RAP1A: variants seen among roughly 807,000 people sequenced by gnomAD.
RAP1A encodes the protein RAP1A, member of RAS oncogene family, also known as ras-related protein Rap-1A.
A neutral mutation model predicts 26.4 loss-of-function variants in RAP1A; 6 were observed. The ratio of observed to expected loss-of-function variants is 0.23; its 90% CI spans 0.12 to 0.45. The LOEUF is 0.45. Ranked by LOEUF, RAP1A falls within the 20% of genes least tolerant of loss-of-function variation. RAP1A has a pLI of 0.99. For synonymous variants in RAP1A, 73 were observed against 79.4 expected (o/e 0.92, Z 0.43); for missense variants, 121 against 217.2 (o/e 0.56, Z 2.78).
intron 1 of RAP1A, among the ~76,000 whole-genome samples, chr1:111,643,678 C>T (rs1233749882): frequency 6.6e-6 from 1 of 152,154 alleles, no homozygotes; most frequent in Non-Finnish European, 1.5e-5. Context: ...GAAACTGAGT[C>T]CTTTATTTCA....
At chr1:111,575,052 A>G (rs890132488) in intron 1 of RAP1A, among the ~76,000 whole-genome samples, 16 of 152,230 alleles carry the variant, frequency 1.1e-4, no homozygotes, top group African/African-American at 3.6e-4. Flanking sequence ...TCTAATAAAT[A>G]TTTGTGAAGT....
intron 6 of RAP1A, among the ~76,000 whole-genome samples, chr1:111,708,279 A>G (rs2101306999): frequency 6.6e-6 from 1 of 152,372 alleles, no homozygotes; most frequent in South Asian, 2.1e-4. Flanking sequence ...CATCAAAAAA[A>G]GGCAAACAAA....
chr1:111,595,681 G>C (rs1177935989), intron 1 of RAP1A, among the ~76,000 whole-genome samples: 1 of 152,206 alleles, frequency 6.6e-6, no homozygotes, highest in Non-Finnish European at 1.5e-5. Context: ...GCTGCAGTTA[G>C]GGCAGCAAAA....
chr1:111,708,457 A>G (rs1662269282), intron 6 of RAP1A, among the ~76,000 whole-genome samples: 1 of 152,232 alleles, frequency 6.6e-6, no homozygotes, highest in Non-Finnish European at 1.5e-5. Flanking sequence ...ATGTCCTGAA[A>G]GGCAAAGGCC....
chr1:111,566,536 C>T (rs75089454), intron 1 of RAP1A, among the ~76,000 whole-genome samples: 225 of 152,210 alleles, frequency 1.5e-3, no homozygotes, highest in African/African-American at 4.7e-3. Flanking sequence ...TCCCCCTGAC[C>T]GTAAACATTA....
At chr1:111,648,913 CT>C in intron 1 of RAP1A, 7 of 769,768 alleles carry the variant, frequency 9.1e-6, no homozygotes, top group Non-Finnish European at 1.6e-5. Flanking sequence ...GCTTGTAGGC[CT>C]TTTACTTCCC....
At position 111,713,373 on chromosome 1, in the gene RAP1A, G is replaced by C. The variant is rs2101324949; in HGVS notation, c.*972G>C. 6.6e-6 allele frequency: 1 copy of C among 152,154 alleles called. No individual in the cohort carries two copies. The highest frequency in any genetic ancestry group is 2.4e-5 in the African/African-American group (1 of 41,518). 9.4% of individuals were successfully genotyped at this position (152,154 alleles called of 1,614,324 possible). A position where few individuals can be genotyped will look rare whatever the true frequency, so the allele number is the denominator to read the frequency against. ...ATATTCTCTCTTGATCTTAAAGATT[G>C]TATCTTATTGAATATCCCACTGTAT... On this transcript the variant is annotated 3_prime_UTR_variant, in exon 8 of 8. Transcript: ENST00000369709.
intron 1 of RAP1A, among the ~76,000 whole-genome samples, chr1:111,607,113 A>G (rs1658801023): frequency 6.6e-6 from 1 of 150,774 alleles, no homozygotes; most frequent in South Asian, 2.1e-4. Flanking sequence ...AGGGAAGGTC[A>G]GCAGATAAAC....
At chr1:111,558,943 T>C (rs7526137) in intron 1 of RAP1A, among the ~76,000 whole-genome samples, 16,113 of 152,108 alleles carry the variant, frequency 0.11, 2,176 homozygotes, top group African/African-American at 0.31. Context: ...TATACTTTTA[T>C]AAAAATCAAG....
At chr1:111,687,987 C>T (rs1661538579) in intron 1 of RAP1A, among the ~76,000 whole-genome samples, 1 of 124,420 alleles carries the variant, frequency 8.0e-6, no homozygotes, top group Non-Finnish European at 1.6e-5. Flanking sequence ...CGCTGTATTC[C>T]TTGTACTCCA....
At chr1:111,591,997 C>T (rs1225255860) in intron 1 of RAP1A, among the ~76,000 whole-genome samples, 5 of 152,296 alleles carry the variant, frequency 3.3e-5, no homozygotes, top group South Asian at 2.1e-4. Context: ...CTCTATCCCA[C>T]GCCCCAGCTC....
intron 1 of RAP1A, among the ~76,000 whole-genome samples, chr1:111,646,658 A>G (rs1660079043): frequency 6.6e-6 from 1 of 151,930 alleles, no homozygotes; most frequent in African/African-American, 2.4e-5. Flanking sequence ...CTCCTGCCTC[A>G]GCCTCCCGAG....
At chr1:111,610,259 A>G (rs1410114824) in intron 1 of RAP1A, among the ~76,000 whole-genome samples, 1 of 152,160 alleles carries the variant, frequency 6.6e-6, no homozygotes, top group African/African-American at 2.4e-5. Flanking sequence ...CCCCTAATAC[A>G]GTCTACCCCT....
rs1224667389 is a variant in RAP1A at position 111,551,171 on chromosome 1, A to G, written c.-28+8662A>G. ...TTTACAAACAGCATATAGTTGGATC[A>G]TGTTTTTTTTTGAAATTCATTCTTC... On this transcript the variant is annotated intron_variant, in intron 1 of 7. Transcript: ENST00000356415. Among the ~76,000 whole-genome samples the G allele has an allele frequency of 5.3e-5, 8 of 152,164 alleles. No individual in the cohort carries two copies. In the East Asian group the frequency reaches 1.5e-3, roughly 29 times the overall value.
At chr1:111,637,655 A>G (rs1659766270) in intron 1 of RAP1A, among the ~76,000 whole-genome samples, 1 of 152,194 alleles carries the variant, frequency 6.6e-6, no homozygotes, top group African/African-American at 2.4e-5. Context: ...TTTGATGAAA[A>G]TGAAATCAGA....
At chr1:111,557,949 G>A (rs562922260) in intron 1 of RAP1A, among the ~76,000 whole-genome samples, 1 of 152,008 alleles carries the variant, frequency 6.6e-6, no homozygotes, top group East Asian at 1.9e-4. Flanking sequence ...TGCATGTTAA[G>A]ATTTCTAGAG....
intron 1 of RAP1A, among the ~76,000 whole-genome samples, chr1:111,567,418 TTCTTGCTAAAAG>T (rs1423348027): frequency 6.6e-6 from 1 of 152,190 alleles, no homozygotes; most frequent in Non-Finnish European, 1.5e-5. Flanking sequence ...GCAAATCCAG[TTCTTGCTAAAAG>T]TCTCATCACT....
At chr1:111,580,007 G>T (rs1421111024) in intron 1 of RAP1A, among the ~76,000 whole-genome samples, 1 of 152,042 alleles carries the variant, frequency 6.6e-6, no homozygotes, top group African/African-American at 2.4e-5. Flanking sequence ...TGTTGACCAG[G>T]CTGGTCTCGA....
intron 1 of RAP1A, among the ~76,000 whole-genome samples, chr1:111,606,496 A>G (rs146904516): frequency 9.1e-4 from 138 of 152,298 alleles, no homozygotes; most frequent in Non-Finnish European, 1.5e-3. Flanking sequence ...CAAATACTAC[A>G]TCTCCTCACC....
Sources: allele counts gnomAD v4.1 joint callset (sites outside exome capture counted in the v4.1 genomes callset), GRCh38; gene constraint gnomAD v4.1.1; transcripts MANE v1.5; gene names NCBI Gene and HGNC (gene_info 2026-07-23, HGNC 2026-07-21).